The following DGKI variants were observed in gnomAD, a reference collection of about 807,000 sequenced individuals.
The protein encoded by DGKI is DAG kinase iota.
A neutral mutation model predicts 147.5 loss-of-function variants in DGKI; 55 were observed. The observed-to-expected ratio is 0.37, with a 90% CI of 0.30 to 0.47. The LOEUF (loss-of-function observed/expected upper bound fraction) is 0.47, where lower values mean the gene tolerates loss of function less well. Ranked by LOEUF, DGKI falls within the 20% of genes least tolerant of loss-of-function variation. The pLI is 1.00. For synonymous variants in DGKI, 469 were observed against 477.1 expected (o/e 0.98, Z 0.22); for missense variants, 1,007 against 1,323.8 (o/e 0.76, Z 3.71).
intron 8 of DGKI, among the ~76,000 whole-genome samples, chr7:137,610,633 A>G (rs1219705299): frequency 6.6e-6 from 1 of 152,228 alleles, no homozygotes; most frequent in Admixed American, 6.6e-5. Context: ...TCTTAAATTA[A>G]AAGTTTATAT....
At chr7:137,550,250 C>A (rs1361943139) in intron 20 of DGKI, among the ~76,000 whole-genome samples, 1 of 151,170 alleles carries the variant, frequency 6.6e-6, no homozygotes, top group Non-Finnish European at 1.5e-5. Context: ...CATGAAACTT[C>A]TGCCTTGTGG....
intron 6 of DGKI, among the ~76,000 whole-genome samples, chr7:137,638,217 T>G (rs1295072028): frequency 6.6e-6 from 1 of 151,928 alleles, no homozygotes; most frequent in Non-Finnish European, 1.5e-5. Context: ...ATACTCTTAC[T>G]CATTTGCTGG....
intron 3 of DGKI, among the ~76,000 whole-genome samples, chr7:137,673,594 T>C (rs1321391001): frequency 1.3e-5 from 2 of 152,246 alleles, no homozygotes; most frequent in Non-Finnish European, 2.9e-5. Context: ...CAAAGTGATA[T>C]GTCCCAACTT....
At chr7:137,782,401 GC>G (rs1796545581) in intron 1 of DGKI, among the ~76,000 whole-genome samples, 1 of 152,060 alleles carries the variant, frequency 6.6e-6, no homozygotes, top group Non-Finnish European at 1.5e-5. Context: ...AACTCCATTG[GC>G]CTGGGAACCA....
At chr7:137,455,292 G>A (rs1175908456) in intron 27 of DGKI, among the ~76,000 whole-genome samples, 2 of 151,946 alleles carry the variant, frequency 1.3e-5, no homozygotes, top group East Asian at 3.9e-4. Context: ...AAGGACAAGA[G>A]AGTTTCTCAG....
intron 1 of DGKI, among the ~76,000 whole-genome samples, chr7:137,695,539 G>A (rs1271470180): frequency 6.6e-6 from 1 of 151,958 alleles, no homozygotes; most frequent in Non-Finnish European, 1.5e-5. Flanking sequence ...TTTTATAATA[G>A]ATGTTCTCCA....
chr7:137,683,192 T>A (rs555646649), intron 2 of DGKI, among the ~76,000 whole-genome samples: 2 of 152,174 alleles, frequency 1.3e-5, no homozygotes, highest in East Asian at 3.9e-4. Context: ...TAGTATAAAT[T>A]TAGTTTCCGC....
intron 21 of DGKI, among the ~76,000 whole-genome samples, chr7:137,513,457 A>G (rs933228529): frequency 6.6e-6 from 1 of 152,184 alleles, no homozygotes; most frequent in Non-Finnish European, 1.5e-5. Flanking sequence ...TGATTCTACT[A>G]TATTCTTTTA....
At chr7:137,602,343 C>G (rs888528362) in intron 10 of DGKI, among the ~76,000 whole-genome samples, 4 of 152,152 alleles carry the variant, frequency 2.6e-5, no homozygotes, top group African/African-American at 9.7e-5. Flanking sequence ...TTTCCTTAAA[C>G]TTGAATTTCT....
At chr7:137,700,958 T>C (rs1339038107) in intron 1 of DGKI, among the ~76,000 whole-genome samples, 1 of 152,196 alleles carries the variant, frequency 6.6e-6, no homozygotes, top group East Asian at 1.9e-4. Context: ...TAATAGGAAG[T>C]TGGTGGCAGA....
At chr7:137,698,377 G>C (rs1823866932) in intron 1 of DGKI, among the ~76,000 whole-genome samples, 4 of 152,288 alleles carry the variant, frequency 2.6e-5, no homozygotes, top group African/African-American at 9.6e-5. Context: ...AAGGAGGCAG[G>C]ATTAGCAGAG....
At chr7:137,619,082 T>A (rs1820649852) in intron 8 of DGKI, among the ~76,000 whole-genome samples, 1 of 152,144 alleles carries the variant, frequency 6.6e-6, no homozygotes, top group African/African-American at 2.4e-5. Flanking sequence ...ACCTGCACCC[T>A]AAGGGAGGTA....
chr7:137,786,377 C>CA (rs921753582), intron 1 of DGKI, among the ~76,000 whole-genome samples: 2 of 151,676 alleles, frequency 1.3e-5, no homozygotes, highest in African/African-American at 4.8e-5. Flanking sequence ...GTAATAGCTG[C>CA]AAAAAAATGA....
chr7:137,810,871 G>A (rs1797543979), intron 1 of DGKI, among the ~76,000 whole-genome samples: 1 of 152,088 alleles, frequency 6.6e-6, no homozygotes, highest in African/African-American at 2.4e-5. Flanking sequence ...ACAAAGCCAG[G>A]AAGTACACCT....
intron 30 of DGKI, among the ~76,000 whole-genome samples, 186 bp from the exon 31 acceptor site, chr7:137,397,599 C>A (rs1279953557): frequency 6.6e-6 from 1 of 152,120 alleles, no homozygotes; most frequent in Non-Finnish European, 1.5e-5. Flanking sequence ...TCTCCATGAA[C>A]CAATATGTAC....
intron 20 of DGKI, among the ~76,000 whole-genome samples, chr7:137,535,314 C>T (rs1474701304): frequency 1.3e-5 from 2 of 152,002 alleles, no homozygotes; most frequent in Admixed American, 6.6e-5. Flanking sequence ...TTGATATCCC[C>T]GCCCTGGCTA....
intron 1 of DGKI, among the ~76,000 whole-genome samples, chr7:137,781,126 G>A (rs573810292): frequency 1.4e-4 from 22 of 152,296 alleles, no homozygotes; most frequent in African/African-American, 5.3e-4. Flanking sequence ...GAAGCAAAGG[G>A]TATTTGAGTG....
intron 1 of DGKI, among the ~76,000 whole-genome samples, chr7:137,793,637 C>T (rs994402822): frequency 4.5e-4 from 69 of 152,164 alleles, no homozygotes; most frequent in African/African-American, 1.7e-3. Context: ...ACACCATTTT[C>T]ACATGTCATT....
At chr7:137,672,779 T>C (rs1316745147) in intron 3 of DGKI, among the ~76,000 whole-genome samples, 10 of 137,224 alleles carry the variant, frequency 7.3e-5, no homozygotes, top group African/African-American at 2.9e-4. Context: ...TTTTTTTTTT[T>C]TTTTTTTTTT....
Sources: gnomAD v4.1 joint callset for allele counts (sites outside exome capture counted in the v4.1 genomes callset) on GRCh38, gnomAD v4.1.1 for gene constraint, MANE v1.5 for transcripts, NCBI Gene and HGNC (gene_info 2026-07-23, HGNC 2026-07-21) for gene names.